The following PRKAR2A variants were observed in gnomAD, a reference collection of about 807,000 sequenced individuals.
PRKAR2A encodes cAMP-dependent protein kinase type II-alpha regulatory subunit.
PRKAR2A carries 29 observed loss-of-function variants against 51.9 expected under a neutral mutation model. That is an observed-to-expected ratio of 0.56 (90% CI 0.42 to 0.76). The LOEUF (loss-of-function observed/expected upper bound fraction) is 0.76. PRKAR2A is among the 30% of genes least tolerant of loss of function. The probability of loss-of-function intolerance (pLI) is 0.00; values close to 1 mark genes in which losing one functional copy is unlikely to be tolerated. For synonymous variants in PRKAR2A, 178 were observed against 186.2 expected, an observed-to-expected ratio of 0.96 and a Z score of 0.36; for missense variants, 445 against 512.1, an observed-to-expected ratio of 0.87 and a Z score of 1.26.
intron 1 of PRKAR2A, among the ~76,000 whole-genome samples, chr3:48,811,820 T>TA (rs1042961131): frequency 4.7e-5 from 7 of 150,430 alleles, no homozygotes; most frequent in South Asian, 4.2e-4. Context: ...TCACCTCAAT[T>TA]AAAAAAAAAG....
intron 3 of PRKAR2A, among the ~76,000 whole-genome samples, chr3:48,791,235 C>G (rs1249248425): frequency 7.8e-6 from 1 of 127,834 alleles, no homozygotes; most frequent in East Asian, 2.3e-4. Context: ...TGCAGTGAGC[C>G]AAGATTGTGC....
chr3:48,822,442 C>G (rs749469709), intron 1 of PRKAR2A, among the ~76,000 whole-genome samples: 2 of 152,088 alleles, frequency 1.3e-5, no homozygotes, highest in Non-Finnish European at 2.9e-5. Flanking sequence ...TAAATTGAAT[C>G]TATATGCTTA....
At chr3:48,768,286 C>T (rs1008058742) in intron 6 of PRKAR2A, among the ~76,000 whole-genome samples, 9 of 134,658 alleles carry the variant, frequency 6.7e-5, no homozygotes, top group Non-Finnish European at 9.7e-5. Flanking sequence ...AGAGTGAGAC[C>T]GTCTCAAAAG....
intron 1 of PRKAR2A, among the ~76,000 whole-genome samples, chr3:48,810,839 C>T (rs1327459041): frequency 1.3e-5 from 2 of 152,016 alleles, no homozygotes; most frequent in Non-Finnish European, 2.9e-5. Context: ...AGTTATAGTA[C>T]AAACCTCTAT....
intron 2 of PRKAR2A, among the ~76,000 whole-genome samples, chr3:48,799,216 G>A (rs2082546446): frequency 6.6e-6 from 1 of 152,142 alleles, no homozygotes; most frequent in Non-Finnish European, 1.5e-5. Flanking sequence ...ATTATATTGT[G>A]TGTCATGAAA....
At chr3:48,783,779 C>T (rs1366507318) in intron 4 of PRKAR2A, among the ~76,000 whole-genome samples, 2 of 152,100 alleles carry the variant, frequency 1.3e-5, no homozygotes, top group Non-Finnish European at 2.9e-5. Context: ...CAGGGTTTTG[C>T]CATGTTGGCC....
At chr3:48,845,591 T>C (rs573580291) in intron 1 of PRKAR2A, among the ~76,000 whole-genome samples, 2 of 152,344 alleles carry the variant, frequency 1.3e-5, no homozygotes, top group African/African-American at 2.4e-5. Context: ...ACAAAGCATA[T>C]GTTGAAGCAA....
chr3:48,825,655 T>A (rs1666828514), intron 1 of PRKAR2A, among the ~76,000 whole-genome samples: 1 of 151,934 alleles, frequency 6.6e-6, no homozygotes, highest in South Asian at 2.1e-4. Flanking sequence ...ATAAAAAAAT[T>A]AAATTAAATT....
chr3:48,790,406 C>T, intron 4 of PRKAR2A, 138 bp downstream of exon 4: 3 of 505,384 alleles, frequency 5.9e-6, no homozygotes, highest in South Asian at 4.6e-5. Context: ...ACAATGAAAA[C>T]ATCTGTATGT....
At chr3:48,756,501 A>C (rs1167818693) in intron 8 of PRKAR2A, 57 bp from the exon 9 acceptor site, 2 of 1,308,794 alleles carry the variant, frequency 1.5e-6, no homozygotes, top group African/African-American at 2.9e-5. Context: ...GGGAATAAAG[A>C]AATAGATTGC....
At chr3:48,787,001 T>C (rs1466932548) in intron 4 of PRKAR2A, among the ~76,000 whole-genome samples, 1 of 152,116 alleles carries the variant, frequency 6.6e-6, no homozygotes, top group Non-Finnish European at 1.5e-5. Context: ...AATGACTAAC[T>C]AGTACTCTTC....
chr3:48,814,241 C>T (rs936185401), intron 1 of PRKAR2A, among the ~76,000 whole-genome samples: 5 of 150,728 alleles, frequency 3.3e-5, no homozygotes, highest in African/African-American at 9.8e-5. Context: ...AGCGAGAATC[C>T]GTCTCAAAAA....
chr3:48,835,905 A>T (rs2083276113), intron 1 of PRKAR2A, among the ~76,000 whole-genome samples: 1 of 152,174 alleles, frequency 6.6e-6, no homozygotes, highest in African/African-American at 2.4e-5. Flanking sequence ...TAATCAAGAC[A>T]ATGTGATATT....
intron 8 of PRKAR2A, among the ~76,000 whole-genome samples, chr3:48,757,327 G>A (rs1175511587): frequency 2.0e-5 from 3 of 152,122 alleles, no homozygotes; most frequent in African/African-American, 7.2e-5. Context: ...TTTTACAAAT[G>A]TATAAACCTG....
chr3:48,833,992 G>A (rs898682810), intron 1 of PRKAR2A, among the ~76,000 whole-genome samples: 1 of 147,618 alleles, frequency 6.8e-6, no homozygotes, highest in Non-Finnish European at 1.5e-5. Flanking sequence ...CTGAGATCGC[G>A]TCACTCCACT....
chr3:48,789,264 A>C (rs1201280296), intron 4 of PRKAR2A, among the ~76,000 whole-genome samples: 1 of 152,130 alleles, frequency 6.6e-6, no homozygotes, highest in African/African-American at 2.4e-5. Flanking sequence ...GTATGTTCCA[A>C]GGGGATATGT....
downstream of PRKAR2A, chr3:48,746,522 C>T (rs1019581116): frequency 2.0e-5 from 3 of 152,158 alleles, no homozygotes; most frequent in African/African-American, 4.8e-5. Flanking sequence ...AGTGCTATGA[C>T]GGCCTGGAGC....
At chr3:48,805,107 C>T (rs1438677614) in intron 2 of PRKAR2A, among the ~76,000 whole-genome samples, 1 of 151,810 alleles carries the variant, frequency 6.6e-6, no homozygotes, top group Non-Finnish European at 1.5e-5. Context: ...GAGATGGGGT[C>T]TCACTGTGTT....
chr3:48,745,001 A>T (rs2081544676), downstream of PRKAR2A, among the ~76,000 whole-genome samples: 1 of 151,622 alleles, frequency 6.6e-6, no homozygotes. Context: ...CAGCCTCCTG[A>T]GTAGTTGGGA....
Sources: gnomAD v4.1 joint callset for allele counts (sites outside exome capture counted in the v4.1 genomes callset) on GRCh38, gnomAD v4.1.1 for gene constraint, MANE v1.5 for transcripts, NCBI Gene and HGNC (gene_info 2026-07-23, HGNC 2026-07-21) for gene names.